MATR3: variants seen among roughly 807,000 people sequenced by gnomAD.
MATR3 encodes matrin-3.
Under a neutral mutation model 85.5 loss-of-function variants are expected in MATR3, and 4 were observed. That is an observed-to-expected ratio of 0.05 (90% CI 0.02 to 0.11). The LOEUF (loss-of-function observed/expected upper bound fraction) is 0.11. Ranked by LOEUF, MATR3 falls within the 10% of genes least tolerant of loss-of-function variation. The probability of loss-of-function intolerance (pLI) is 1.00; values close to 1 mark genes in which losing one functional copy is unlikely to be tolerated. For missense variants in MATR3, 685 were observed against 1,016.1 expected (o/e 0.67, Z 4.43); for synonymous variants, 336 against 343.1 (o/e 0.98, Z 0.23).
At chr5:139,315,921 T>C in intron 4 of MATR3, 155 bp from the exon 5 acceptor site, 1 of 760,766 alleles carries the variant, frequency 1.3e-6, no homozygotes, top group Non-Finnish European at 2.3e-6. Flanking sequence ...TGTATTCTTT[T>C]ATTGTTAATG....
intron 3 of MATR3, among the ~76,000 whole-genome samples, chr5:139,280,862 C>T (rs1371626117): frequency 6.6e-6 from 1 of 151,764 alleles, no homozygotes; most frequent in African/African-American, 2.4e-5. Flanking sequence ...ATTCAATATC[C>T]CAAAAGGCAT....
At chr5:139,302,545 A>G (rs537836101) in intron 1 of MATR3, among the ~76,000 whole-genome samples, 1 of 152,368 alleles carries the variant, frequency 6.6e-6, no homozygotes, top group East Asian at 1.9e-4. Context: ...ATAAATGAAG[A>G]AAAATTTAAA....
Position 139,330,113 on chromosome 5 carries a change from T to C in MATR3, c.*718T>C, listed in dbSNP as rs1337859000. ...TTTTTGAGATCTTACTGCTTGTCAC[T>C]TGAATCCCGTGATTGTCATACATCT... On this transcript the variant is annotated 3_prime_UTR_variant, in exon 15 of 15. Transcript: ENST00000394805. 6.6e-6 allele frequency: 3 copies of C among 454,422 alleles called. No homozygotes were observed. Among genetic ancestry groups the C allele is most frequent in the African/African-American group, 2.0e-5 (1 of 50,006 alleles). 28.1% of individuals were successfully genotyped at this position (454,422 alleles called of 1,614,324 possible).
intron 9 of MATR3, among the ~76,000 whole-genome samples, chr5:139,321,530 C>A (rs1489985003): frequency 6.6e-6 from 1 of 152,058 alleles, no homozygotes; most frequent in African/African-American, 2.4e-5. Flanking sequence ...CACCTGTAAT[C>A]CCAGCACTTT....
At chr5:139,301,585 G>C (rs1313060881) in intron 1 of MATR3, among the ~76,000 whole-genome samples, 1 of 152,100 alleles carries the variant, frequency 6.6e-6, no homozygotes, top group Non-Finnish European at 1.5e-5. Context: ...GCCTCCCAAA[G>C]GGCTGGGATT....
intron 1 of MATR3, among the ~76,000 whole-genome samples, chr5:139,300,412 T>C (rs1193439346): frequency 1.3e-5 from 2 of 152,200 alleles, no homozygotes; most frequent in Non-Finnish European, 2.9e-5. Context: ...TGAAAGCTGA[T>C]TCCTGGTGAC....
At chr5:139,315,933 A>T in intron 4 of MATR3, 143 bp from the exon 5 acceptor site, 1 of 780,392 alleles carries the variant, frequency 1.3e-6, no homozygotes, top group Non-Finnish European at 2.2e-6. Context: ...TTGTTAATGT[A>T]GACTTTGACC....
At chr5:139,314,786 G>A in intron 3 of MATR3, 50 bp downstream of exon 3, 1 of 1,553,180 alleles carries the variant, frequency 6.4e-7, no homozygotes, top group Non-Finnish European at 8.9e-7. Context: ...ATCAGAATCA[G>A]CCATTATTGG....
intron 3 of MATR3, among the ~76,000 whole-genome samples, chr5:139,288,694 G>A (rs1384822376): frequency 6.6e-6 from 1 of 151,960 alleles, no homozygotes. Context: ...AGGCTGGAGT[G>A]CAGTGGCACA....
chr5:139,324,328 C>G (rs1342251660), intron 12 of MATR3, among the ~76,000 whole-genome samples: 3 of 125,508 alleles, frequency 2.4e-5, no homozygotes, highest in Non-Finnish European at 4.8e-5. Context: ...GAGTCTTGCT[C>G]TGTTGCCCAG....
chr5:139,310,467 C>T (rs555313201), intron 2 of MATR3: 4 of 152,270 alleles, frequency 2.6e-5, no homozygotes, highest in South Asian at 2.1e-4. Flanking sequence ...TTGAAAAAAT[C>T]TTTACTCACT....
At chr5:139,323,311 G>C (rs1755674575) in intron 12 of MATR3, among the ~76,000 whole-genome samples, 1 of 151,990 alleles carries the variant, frequency 6.6e-6, no homozygotes, top group Non-Finnish European at 1.5e-5. Context: ...CAGGACGTGA[G>C]TTTGCAGTAA....
At chr5:139,326,400 C>G in intron 14 of MATR3, 116 bp downstream of exon 14, 1 of 918,546 alleles carries the variant, frequency 1.1e-6, no homozygotes, top group Non-Finnish European at 1.7e-6. Context: ...AGTGCTTTCT[C>G]CTGAAGATAA....
chr5:139,277,512 G>C (rs1561916905), intron 2 of MATR3, among the ~76,000 whole-genome samples: 1 of 152,174 alleles, frequency 6.6e-6, no homozygotes. Context: ...ACTGTGAATA[G>C]CCTTTTACAT....
upstream of MATR3, among the ~76,000 whole-genome samples, chr5:139,290,472 G>A (rs1753838921): frequency 2.1e-5 from 1 of 47,220 alleles, no homozygotes; most frequent in African/African-American, 2.5e-4. Context: ...TTTTTAACAG[G>A]GTCCTGCTCT....
At chr5:139,317,164 C>A in intron 6 of MATR3, 59 bp downstream of exon 6, 1 of 1,505,262 alleles carries the variant, frequency 6.6e-7, no homozygotes, top group South Asian at 1.1e-5. Flanking sequence ...ATGATTTGAC[C>A]TAAATCCTTA....
Position 139,331,248 on chromosome 5 carries a change from G to A in MATR3, c.*1853G>A. 1 of 454,088 alleles carries A rather than the reference G, an allele frequency of 2.2e-6. No homozygotes were observed. Among genetic ancestry groups the A allele is most frequent in the South Asian group, 1.6e-5 (1 of 64,482 alleles). The allele number at this position is 454,088 out of a possible 1,614,324, so 28.1% of individuals were successfully genotyped here. Reference sequence around the variant, plus strand: ...GTAGGTGATGATTTTAATGTGACATGCACAAAAAATCCTTGCCAGTTTACT... The same window carrying A: ...GTAGGTGATGATTTTAATGTGACATACACAAAAAATCCTTGCCAGTTTACT... On this transcript the variant is annotated 3_prime_UTR_variant, in exon 15 of 15. Coordinates refer to ENST00000394805, the MANE Select transcript of MATR3 (RefSeq NM_018834.6).
chr5:139,321,577 G>A (rs1387046333), intron 9 of MATR3, among the ~76,000 whole-genome samples: 1 of 152,158 alleles, frequency 6.6e-6, no homozygotes, highest in Non-Finnish European at 1.5e-5. Context: ...GAGTCCAGGA[G>A]CCCGAGACCA....
intron 7 of MATR3, 150 bp downstream of exon 7, chr5:139,317,871 T>C: frequency 1.4e-6 from 1 of 700,756 alleles, no homozygotes; most frequent in South Asian, 1.9e-5. Flanking sequence ...GGCCAGTAGT[T>C]GATGAATATA....
Sources: gnomAD v4.1 joint callset for allele counts (sites outside exome capture counted in the v4.1 genomes callset) on GRCh38, gnomAD v4.1.1 for gene constraint, MANE v1.5 for transcripts, NCBI Gene and HGNC (gene_info 2026-07-23, HGNC 2026-07-21) for gene names.